The following TMEM132D variants were observed in gnomAD, a reference collection of about 807,000 sequenced individuals.
TMEM132D encodes mature OL transmembrane protein.
TMEM132D carries 21 observed loss-of-function variants against 62.3 expected under a neutral mutation model. That is an observed-to-expected ratio of 0.34 (90% CI 0.24 to 0.49). The LOEUF is 0.49. Among genes scored for constraint, TMEM132D ranks in the 20% least tolerant of loss-of-function variants. The probability of loss-of-function intolerance (pLI) is 0.99; values close to 1 mark genes in which losing one functional copy is unlikely to be tolerated. For missense variants in TMEM132D, 1,346 were observed against 1,402.8 expected (o/e 0.96, Z 0.65); for synonymous variants, 621 against 575.6 (o/e 1.08, Z -1.13).
rs180957384 is a variant in TMEM132D, at chr12:129,188,826, G to A, written c.1443+20694C>T. ...AAGAGAGAGATCTCAGCTTTTATGAGCTTAATCAGAAATGAAAGTGTTGTT... is the reference window on the plus strand; with the variant it reads ...AAGAGAGAGATCTCAGCTTTTATGAACTTAATCAGAAATGAAAGTGTTGTT... On this transcript the variant is annotated intron_variant, in intron 5 of 8. Transcript: ENST00000422113. Among the ~76,000 whole-genome samples, 3 of 151,902 alleles carry A rather than the reference G, an allele frequency of 2.0e-5. No homozygotes were observed. In the East Asian group the frequency reaches 5.8e-4, roughly 29 times the overall value.
chr12:129,279,900 T>C (rs1881095392), intron 4 of TMEM132D, among the ~76,000 whole-genome samples: 1 of 152,224 alleles, frequency 6.6e-6, no homozygotes, highest in African/African-American at 2.4e-5. Flanking sequence ...TATGTTAATG[T>C]GGCTGAATTA....
rs900847246 is a variant in TMEM132D at position 129,843,079 on chromosome 12, C to T, written c.79+60182G>A. 2.6e-5 allele frequency among the ~76,000 whole-genome samples: 4 copies of T among 152,058 alleles called. No homozygotes were observed. In the East Asian group the frequency reaches 7.7e-4, roughly 29 times the overall value. On this transcript the variant is annotated intron_variant, in intron 1 of 8. Transcript: ENST00000422113. ...ATGAGTTAAGTTTGGAAGTCTCTAA[C>T]AATGTTACGAATATAGTATATTCTG...
chr12:129,291,163 C>T (rs772901212), intron 4 of TMEM132D, among the ~76,000 whole-genome samples: 7 of 152,120 alleles, frequency 4.6e-5, no homozygotes, highest in East Asian at 1.9e-4. Context: ...CAATGGGGCA[C>T]GGCTGGAGAA....
At chr12:129,709,801 A>C (rs1395206518) in intron 1 of TMEM132D, among the ~76,000 whole-genome samples, 2 of 152,242 alleles carry the variant, frequency 1.3e-5, no homozygotes, top group African/African-American at 4.8e-5. Context: ...AGCTTATAAC[A>C]CAAAAATGTA....
rs1868804583 is a variant in TMEM132D at position 129,323,851 on chromosome 12, C to A, written c.1299+13783G>T. On this transcript the variant is annotated intron_variant, in intron 4 of 8. Transcript: ENST00000422113. ...ATGAGGAATAGTGGGTAGGTCCTTTCTTCACATGCCTCTCTATTATTTTGA... is the reference window on the plus strand; with the variant it reads ...ATGAGGAATAGTGGGTAGGTCCTTTATTCACATGCCTCTCTATTATTTTGA... Among the ~76,000 whole-genome samples, 5 of 151,884 alleles carry A rather than the reference C, an allele frequency of 3.3e-5. No homozygotes were observed. In the South Asian group the frequency reaches 6.2e-4, roughly 19 times the overall value.
At chr12:129,603,762 A>G (rs76130923) in intron 2 of TMEM132D, among the ~76,000 whole-genome samples, 24,781 of 152,062 alleles carry the variant, frequency 0.16, 2,134 homozygotes, top group South Asian at 0.24. Context: ...CCAGTGTGGC[A>G]ATTCCTCAAG....
intron 5 of TMEM132D, among the ~76,000 whole-genome samples, chr12:129,133,851 T>G (rs1031208506): frequency 3.3e-5 from 5 of 152,140 alleles, no homozygotes; most frequent in African/African-American, 1.2e-4. Flanking sequence ...TCCTGGCTAT[T>G]TTATGAAGTA....
intron 1 of TMEM132D, among the ~76,000 whole-genome samples, chr12:129,701,815 C>T (rs1881392930): frequency 6.6e-6 from 1 of 152,180 alleles, no homozygotes. Flanking sequence ...TTTGATTACT[C>T]GGACACTCAT....
intron 3 of TMEM132D, among the ~76,000 whole-genome samples, chr12:129,471,970 T>C (rs1365637812): frequency 6.6e-6 from 1 of 152,182 alleles, no homozygotes; most frequent in Non-Finnish European, 1.5e-5. Flanking sequence ...TGGCAGAGGT[T>C]GATTAATAAG....
intron 3 of TMEM132D, among the ~76,000 whole-genome samples, chr12:129,381,955 C>G (rs557884546): frequency 6.6e-6 from 1 of 152,120 alleles, no homozygotes; most frequent in East Asian, 1.9e-4. Context: ...TTACACAGAC[C>G]GTATGCTCCT....
intron 2 of TMEM132D, among the ~76,000 whole-genome samples, chr12:129,638,266 G>A (rs983825311): frequency 6.6e-6 from 1 of 152,046 alleles, no homozygotes; most frequent in African/African-American, 2.4e-5. Flanking sequence ...CATATCACAT[G>A]GGAAGCCCAA....
At chr12:129,223,746 T>C (rs1879409956) in intron 4 of TMEM132D, among the ~76,000 whole-genome samples, 1 of 152,172 alleles carries the variant, frequency 6.6e-6, no homozygotes, top group African/African-American at 2.4e-5. Flanking sequence ...CATTTCTAAC[T>C]TTTACTTTTA....
intron 3 of TMEM132D, among the ~76,000 whole-genome samples, chr12:129,347,644 G>T (rs1276955069): frequency 6.6e-6 from 1 of 152,100 alleles, no homozygotes; most frequent in Admixed American, 6.5e-5. Flanking sequence ...CAGGACACAG[G>T]CATAGGCAAA....
chr12:129,461,851 C>T (rs987002496), intron 3 of TMEM132D, among the ~76,000 whole-genome samples: 1 of 152,082 alleles, frequency 6.6e-6, no homozygotes, highest in Admixed American at 6.6e-5. Flanking sequence ...TGGGTACACA[C>T]ATGCATGAAC....
rs1593197383 is a variant in TMEM132D, at chr12:129,880,784, C to G, written c.79+22477G>C. Among the ~76,000 whole-genome samples the G allele has an allele frequency of 2.0e-5, 3 of 151,956 alleles. No homozygotes were observed. In the East Asian group the frequency reaches 5.8e-4, roughly 29 times the overall value. On this transcript the variant is annotated intron_variant, in intron 1 of 8. Transcript: ENST00000422113. ...GAGTTATTAACCATATTCTAAGAAGCATGCAGAGAAAAGGGGGATGCCAGA... is the reference window on the plus strand; with the variant it reads ...GAGTTATTAACCATATTCTAAGAAGGATGCAGAGAAAAGGGGGATGCCAGA...
At chr12:129,355,205 T>C (rs1481849512) in intron 3 of TMEM132D, among the ~76,000 whole-genome samples, 4 of 152,218 alleles carry the variant, frequency 2.6e-5, no homozygotes, top group African/African-American at 4.8e-5. Context: ...TGTACGACAA[T>C]GTAGACACTG....
At chr12:129,568,753 A>C (rs1008177198) in intron 2 of TMEM132D, among the ~76,000 whole-genome samples, 1 of 152,198 alleles carries the variant, frequency 6.6e-6, no homozygotes, top group African/African-American at 2.4e-5. Context: ...GTATGTTTGA[A>C]GATAACTTGA....
At chr12:129,114,779 T>C (rs949032390) in intron 5 of TMEM132D, among the ~76,000 whole-genome samples, 1 of 152,234 alleles carries the variant, frequency 6.6e-6, no homozygotes, top group Admixed American at 6.5e-5. Flanking sequence ...TCACACCAGA[T>C]GTACGTGTTT....
At chr12:129,161,707 T>C (rs1194821583) in intron 5 of TMEM132D, among the ~76,000 whole-genome samples, 1 of 152,198 alleles carries the variant, frequency 6.6e-6, no homozygotes, top group Non-Finnish European at 1.5e-5. Flanking sequence ...CAAGGTGTAG[T>C]AGCCACAGGC....
Sources: allele counts gnomAD v4.1 joint callset (sites outside exome capture counted in the v4.1 genomes callset), GRCh38; gene constraint gnomAD v4.1.1; transcripts MANE v1.5; gene names NCBI Gene and HGNC (gene_info 2026-07-23, HGNC 2026-07-21).